Variants in OR4Q3 observed in about 807,000 individuals in gnomAD.
OR4Q3 encodes olfactory receptor 4Q3.
In OR4Q3, 17 loss-of-function variants were observed where a neutral mutation model predicts 18.8. That is an observed-to-expected ratio of 0.91 (90% CI 0.62 to 1.36). OR4Q3 has a LOEUF of 1.36. Among genes scored for constraint, OR4Q3 ranks in the 40% most tolerant of loss-of-function variants. OR4Q3 has a pLI of 0.00. For missense variants in OR4Q3, 378 were observed against 373.4 expected, an observed-to-expected ratio of 1.01 and a Z score of -0.10; for synonymous variants, 158 against 145.8, an observed-to-expected ratio of 1.08 and a Z score of -0.60.
At chr14:19,750,456 A>G, downstream of OR4Q3, among the ~76,000 whole-genome samples, 2 of 152,244 alleles carry the variant, frequency 1.3e-5, no homozygotes, top group African/African-American at 4.8e-5. Context: ...TAAGATAATG[A>G]CAAACTTTTA....
At chr14:19,748,142 T>C in exon 2 of OR4Q3, 2 of 1,614,106 alleles carry the variant, frequency 1.2e-6, no homozygotes, top group Non-Finnish European at 1.7e-6. Context: ...CAAGGTCTTC[T>C]CTACCTGTGC....
At chr14:19,750,614 G>A, downstream of OR4Q3, among the ~76,000 whole-genome samples, 1 of 152,156 alleles carries the variant, frequency 6.6e-6, no homozygotes, top group South Asian at 2.1e-4. Context: ...CAATAACCCT[G>A]GTCGTGTAAG....
downstream of OR4Q3, among the ~76,000 whole-genome samples, chr14:19,750,198 T>G: frequency 6.0e-4 from 92 of 152,258 alleles, no homozygotes; most frequent in African/African-American, 1.9e-3. Flanking sequence ...TTGGCCAGAC[T>G]GGTCTTGAAC....
Position 19,748,268 on chromosome 14 carries a change from C to T in OR4Q3, c.865C>T (p.Pro289Ser). 11 of 1,494,762 alleles carry T rather than the reference C, an allele frequency of 7.4e-6. No individual in the cohort carries two copies. In the African/African-American group the frequency reaches 1.2e-4, roughly 16 times the overall value. The allele number at this position is 1,494,762 out of a possible 1,614,324, so 92.6% of individuals were successfully genotyped here. The change falls in exon 2 of 2, where the codon CCT becomes TCT. Residue 289 changes from proline to serine, a missense_variant. Coordinates refer to ENST00000642117, the Ensembl canonical transcript of OR4Q3. ...CTCCTTGTTTTACACAGTGATTACACCTATGTTGAACCCCCTCATCTACAC... is the reference window on the plus strand; with the variant it reads ...CTCCTTGTTTTACACAGTGATTACATCTATGTTGAACCCCCTCATCTACAC...
At chr14:19,748,365 G>C in exon 2 of OR4Q3, 4 of 1,597,862 alleles carry the variant, frequency 2.5e-6, no homozygotes, top group African/African-American at 1.3e-5. Flanking sequence ...CCATTGCCTT[G>C]TTAAGGAATG....
At chr14:19,751,710 C>A, downstream of OR4Q3, among the ~76,000 whole-genome samples, 4 of 152,056 alleles carry the variant, frequency 2.6e-5, no homozygotes, top group South Asian at 2.1e-4. Flanking sequence ...GAGGATCTTT[C>A]GTATTTCTGT....
chr14:19,749,309 A>G, exon 2 of OR4Q3: 1 of 152,306 alleles, frequency 6.6e-6, no homozygotes, highest in Non-Finnish European at 1.5e-5. Flanking sequence ...ATGACCACTT[A>G]GAAGAAATGC....
At chr14:19,746,368 T>A in intron 1 of OR4Q3, among the ~76,000 whole-genome samples, 2 of 152,154 alleles carry the variant, frequency 1.3e-5, no homozygotes, top group East Asian at 1.9e-4. Flanking sequence ...TGAATATGAG[T>A]GTAGAGCAGG....
chr14:19,751,436 G>A, downstream of OR4Q3, among the ~76,000 whole-genome samples: 1 of 152,086 alleles, frequency 6.6e-6, no homozygotes, highest in Non-Finnish European at 1.5e-5. Context: ...ATTTTTTTGG[G>A]AATAGTTTCA....
downstream of OR4Q3, among the ~76,000 whole-genome samples, chr14:19,750,848 C>T: frequency 2.0e-5 from 3 of 152,364 alleles, no homozygotes; most frequent in East Asian, 3.9e-4. Flanking sequence ...TTTAGCTTCA[C>T]TCTACTCAAC....
chr14:19,747,355 A>C, intron 1 of OR4Q3, 51 bp from the exon 2 acceptor site: 1 of 1,009,056 alleles, frequency 9.9e-7, no homozygotes, highest in Admixed American at 2.3e-5. Context: ...TATAGTGTAC[A>C]CATATATATC....
chr14:19,749,604 C>CAAAATAAAAAAAAAAAAAAA, downstream of OR4Q3: 1 of 34,570 alleles, frequency 2.9e-5, no homozygotes, highest in Non-Finnish European at 4.6e-5. Context: ...GGTCTCAAAG[C>CAAAATAAAAAAAAAAAAAAA]AAAAAAAAAA....
intron 1 of OR4Q3, among the ~76,000 whole-genome samples, chr14:19,744,602 C>T (rs959824696): frequency 6.6e-6 from 1 of 152,162 alleles, no homozygotes; most frequent in African/African-American, 2.4e-5. Flanking sequence ...TTTCATTTTG[C>T]ATTAAGCATT....
chr14:19,751,739 A>G, downstream of OR4Q3, among the ~76,000 whole-genome samples: 1 of 150,510 alleles, frequency 6.6e-6, no homozygotes, highest in African/African-American at 2.4e-5. Flanking sequence ...TTGTAATGTC[A>G]TTTTTGTCCT....
exon 2 of OR4Q3, chr14:19,748,666 T>A: frequency 2.9e-6 from 1 of 339,644 alleles, no homozygotes; most frequent in African/African-American, 2.1e-5. Flanking sequence ...CTCTAAGTAC[T>A]GTTCATTTAT....
At chr14:19,746,004 G>T in intron 1 of OR4Q3, among the ~76,000 whole-genome samples, 12 of 152,050 alleles carry the variant, frequency 7.9e-5, no homozygotes, top group African/African-American at 2.9e-4. Flanking sequence ...TCTCTCACTG[G>T]CTTATCTTGG....
exon 2 of OR4Q3, chr14:19,747,623 C>G: frequency 6.2e-7 from 1 of 1,613,850 alleles, no homozygotes; most frequent in African/African-American, 1.3e-5. Context: ...TTTTTTAGGT[C>G]ATCTCTCTTT....
At chr14:19,745,600 A>G in intron 1 of OR4Q3, among the ~76,000 whole-genome samples, 3 of 152,146 alleles carry the variant, frequency 2.0e-5, no homozygotes, top group Non-Finnish European at 4.4e-5. Context: ...AGACTTTTCC[A>G]GTTTTCCCAA....
At chr14:19,747,516 T>A in exon 2 of OR4Q3, 1 of 1,613,680 alleles carries the variant, frequency 6.2e-7, no homozygotes, top group Non-Finnish European at 8.5e-7. Context: ...CTCTTCTTAC[T>A]ATTTTTGTTT....
Sources: gnomAD v4.1 joint callset for allele counts (sites outside exome capture counted in the v4.1 genomes callset) on GRCh38, gnomAD v4.1.1 for gene constraint, MANE v1.5 for transcripts, NCBI Gene and HGNC (gene_info 2026-07-23, HGNC 2026-07-21) for gene names.